DOCK6: variants seen among roughly 807,000 people sequenced by gnomAD.
DOCK6 encodes the protein dedicator of cytokinesis 6, also known as dedicator of cytokinesis protein 6.
In DOCK6, 167 loss-of-function variants were observed where a neutral mutation model predicts 230.3. The observed-to-expected ratio is 0.73, with a 90% CI of 0.64 to 0.82. The LOEUF (loss-of-function observed/expected upper bound fraction) is 0.82, where lower values mean the gene tolerates loss of function less well. Ranked by LOEUF, DOCK6 falls within the 40% of genes least tolerant of loss-of-function variation. The pLI, the probability that DOCK6 is intolerant of heterozygous loss-of-function variation, is 0.00. For synonymous variants in DOCK6, 1,148 were observed against 1,185.0 expected (o/e 0.97, Z 0.64); for missense variants, 2,598 against 2,825.8 (o/e 0.92, Z 1.83).
At chr19:11,247,733 C>G in intron 7 of DOCK6, 1 of 201,676 alleles carries the variant, frequency 5.0e-6, no homozygotes, top group East Asian at 1.3e-4. Flanking sequence ...CAGACTCCAG[C>G]CTTACAAGTT....
At chr19:11,239,283 A>G (rs547437946) in intron 14 of DOCK6, among the ~76,000 whole-genome samples, 1 of 152,354 alleles carries the variant, frequency 6.6e-6, no homozygotes, top group African/African-American at 2.4e-5. Context: ...CAAACAGCTC[A>G]GGGCAAACCA....
intron 1 of DOCK6, among the ~76,000 whole-genome samples, 163 bp downstream of exon 1, chr19:11,262,234 C>T (rs1182557616): frequency 6.6e-6 from 1 of 151,794 alleles, no homozygotes; most frequent in Non-Finnish European, 1.5e-5. Context: ...GCGGCCCTCC[C>T]CGCCTTCTCC....
At chr19:11,252,731 T>G in intron 3 of DOCK6, 52 bp downstream of exon 3, 1 of 1,596,216 alleles carries the variant, frequency 6.3e-7, no homozygotes, top group African/African-American at 1.3e-5. Context: ...TTGATGGGGT[T>G]GGCAGAGACA....
intron 28 of DOCK6, 32 bp downstream of exon 28, chr19:11,221,819 C>T (rs377756636): frequency 1.9e-6 from 3 of 1,613,450 alleles, no homozygotes; most frequent in East Asian, 2.2e-5. Context: ...GTCCCTGGAT[C>T]ATGTGACCCC....
At chr19:11,253,026 G>C (rs2080143721) in intron 2 of DOCK6, 68 bp from the exon 3 acceptor site, 1 of 1,481,638 alleles carries the variant, frequency 6.7e-7, no homozygotes, top group Non-Finnish European at 9.1e-7. Flanking sequence ...CGAGGCAGGG[G>C]TGGGTGCGCG....
rs1414473382 is a variant in DOCK6, at chr19:11,238,395, CACAG to C, written c.1644-95_1644-92del. The C allele has an allele frequency of 7.5e-6, 9 of 1,196,640 alleles. No homozygotes were observed. The African/African-American group carries it at 1.2e-4, about 16-fold the overall frequency. The allele number at this position is 1,196,640 out of a possible 1,614,324, so 74.1% of individuals were successfully genotyped here. On this transcript the variant is annotated intron_variant, in intron 14 of 47. Coordinates refer to ENST00000294618, the MANE Select transcript of DOCK6 (RefSeq NM_020812.4). ...GTGATGGGACAAGGCTGGCTGGGAG[CACAG>C]ACAGTCCAGGAAGAGTAGGTCATGA...
chr19:11,234,968 G>C (rs2079823753), intron 21 of DOCK6, among the ~76,000 whole-genome samples: 1 of 151,598 alleles, frequency 6.6e-6, no homozygotes, highest in African/African-American at 2.4e-5. Context: ...TTTGAAACAG[G>C]GTCTTGCTCT....
chr19:11,253,556 T>G (rs1323980831), intron 2 of DOCK6, 83 bp downstream of exon 2: 3 of 890,454 alleles, frequency 3.4e-6, no homozygotes, highest in South Asian at 2.9e-5. Context: ...AGGGAGGGGG[T>G]GGGATAGAAC....
chr19:11,203,272 G>T (rs544871550), intron 41 of DOCK6: 27 of 172,834 alleles, frequency 1.6e-4, no homozygotes, highest in Non-Finnish European at 3.1e-4. Context: ...ATGGCTGGAT[G>T]TTCACTTACC....
chr19:11,217,055 C>A lies in DOCK6; in HGVS notation c.3753G>T (p.Arg1251=). The A allele has an allele frequency of 6.2e-7, 1 of 1,613,538 alleles. No homozygotes were observed. The highest frequency in any genetic ancestry group is 8.5e-7 in the Non-Finnish European group (1 of 1,179,850). Residue 1251 remains arginine, a synonymous_variant, in exon 30 of 48, where the codon CGG becomes CGT. Coordinates refer to ENST00000294618, the MANE Select transcript of DOCK6 (RefSeq NM_020812.4). ...AGCALSAESS[R]TLLACVLWVL... The stretch of plus-strand genomic sequence containing the variant: ...CCCACAGCACACACGCCAGCAAGGT[C>A]CGGCTTGACTCAGCAGAGAGGGCAC...
intron 23 of DOCK6, among the ~76,000 whole-genome samples, chr19:11,228,011 C>CTTT (rs886573859): frequency 7.4e-6 from 1 of 134,862 alleles, no homozygotes; most frequent in Non-Finnish European, 1.6e-5. Flanking sequence ...AGCTTTCCCT[C>CTTT]TTTTTTTTTT....
At chr19:11,214,743 T>C (rs2079452537) in intron 32 of DOCK6, 94 bp from the exon 33 acceptor site, 2 of 1,050,632 alleles carry the variant, frequency 1.9e-6, no homozygotes, top group Non-Finnish European at 2.9e-6. Flanking sequence ...CAGGGGGCAC[T>C]GGCTCCCTGG....
In DOCK6 at chr19:11,243,170, C is replaced by T. The variant is rs1398085540; in HGVS notation, c.1387-18G>A. On this transcript the variant is annotated intron_variant, in intron 12 of 47. Coordinates refer to ENST00000294618, the MANE Select transcript of DOCK6 (RefSeq NM_020812.4). This position sits in a 1 kb window ranked among gnomAD's most constrained non-coding sequence, Gnocchi z 6.3. ...TCAGCCTCCTACATGGGACCCACTC[C>T]CGTCAGCCTGGGCCAGGGGGCTAGG... 1 of 1,612,992 alleles carries T rather than the reference C, an allele frequency of 6.2e-7. No individual in the cohort carries two copies. Among genetic ancestry groups the T allele is most frequent in the African/African-American group, 1.3e-5 (1 of 74,910 alleles).
intron 14 of DOCK6, chr19:11,240,267 C>A (rs1198365014): frequency 3.2e-6 from 5 of 1,583,978 alleles, no homozygotes; most frequent in Non-Finnish European, 4.3e-6. Flanking sequence ...CTGGCTGGGC[C>A]CTGCCTACCG....
At position 11,223,079 on chromosome 19, in the gene DOCK6, C is replaced by T. The variant is rs564231748; in HGVS notation, c.2983G>A (p.Ala995Thr). 8 of 1,613,498 alleles carry T rather than the reference C, an allele frequency of 5.0e-6. No individual in the cohort carries two copies. The highest frequency in any genetic ancestry group is 5.9e-6 in the Non-Finnish European group (7 of 1,179,838). ...TCACTGAGGAAGAAAGCCAGGCTGG[C>T]GTTGAGGTGCTCGGCCAGCTCCACA... ...KDVELAEHLN[A>T]SLAFFLSDLL... The change falls in exon 25 of 48, where the codon GCC (alanine) becomes ACC (threonine). Residue 995 changes from alanine to threonine, a missense_variant. Coordinates refer to ENST00000294618, the MANE Select transcript of DOCK6 (RefSeq NM_020812.4).
At chr19:11,247,255 AT>A (rs762436489) in intron 7 of DOCK6, 440 of 138,120 alleles carry the variant, frequency 3.2e-3, no homozygotes, top group South Asian at 4.2e-3. Flanking sequence ...CGTCTGGCTA[AT>A]TTTTTTTTTT....
At chr19:11,214,218 C>T in intron 34 of DOCK6, 57 bp downstream of exon 34, 1 of 1,530,310 alleles carries the variant, frequency 6.5e-7, no homozygotes, top group Admixed American at 2.0e-5. Flanking sequence ...AGCCACTGTG[C>T]TCAGCCTAGA....
intron 39 of DOCK6, among the ~76,000 whole-genome samples, chr19:11,206,569 A>G (rs546293380): frequency 2.7e-5 from 4 of 149,956 alleles, no homozygotes; most frequent in East Asian, 3.9e-4. Context: ...TCAGAAAAAA[A>G]AAAGAAAGAA....
At chr19:11,252,434 G>T in intron 4 of DOCK6, 48 bp downstream of exon 4, 1 of 1,608,200 alleles carries the variant, frequency 6.2e-7, no homozygotes, top group Non-Finnish European at 8.5e-7. Flanking sequence ...CATCAGCTCA[G>T]CCCTTTTGGG....
Sources: gnomAD v4.1 joint callset for allele counts (sites outside exome capture counted in the v4.1 genomes callset) on GRCh38, gnomAD v4.1.1 for gene constraint, Gnocchi (gnomAD v3.1) non-coding constraint, MANE v1.5 for transcripts, NCBI Gene and HGNC (gene_info 2026-07-23, HGNC 2026-07-21) for gene names.